Variants in ZFHX3 observed in about 807,000 individuals in gnomAD.
The protein encoded by ZFHX3 is zinc finger homeobox protein 3.
In ZFHX3, 42 loss-of-function variants were observed where a neutral mutation model predicts 279.1. The ratio of observed to expected loss-of-function variants is 0.15; its 90% CI spans 0.12 to 0.19. The LOEUF (loss-of-function observed/expected upper bound fraction) is 0.19. ZFHX3 is among the 10% of genes least tolerant of loss of function. The pLI is 1.00. For missense variants in ZFHX3, 4,981 were observed against 4,754.0 expected, an observed-to-expected ratio of 1.05 and a Z score of -1.40; for synonymous variants, 2,293 against 1,957.8, an observed-to-expected ratio of 1.17 and a Z score of -4.52.
intron 5 of ZFHX3, among the ~76,000 whole-genome samples, chr16:73,174,863 CAAA>C (rs34447211): frequency 0.016 from 1,380 of 86,820 alleles, 26 homozygotes; most frequent in African/African-American, 0.053. Context: ...ACTAAAAATA[CAAA>C]AAAAAAAAAA....
At chr16:73,674,285 T>C (rs2052932205) in intron 2 of ZFHX3, among the ~76,000 whole-genome samples, 1 of 151,930 alleles carries the variant, frequency 6.6e-6, no homozygotes, top group South Asian at 2.1e-4. Context: ...AAAAGAAAGA[T>C]GAATGAGAAG....
intron 5 of ZFHX3, among the ~76,000 whole-genome samples, chr16:73,220,378 A>T (rs1385551564): frequency 6.6e-6 from 1 of 152,150 alleles, no homozygotes; most frequent in African/African-American, 2.4e-5. Flanking sequence ...ATAAAATAAA[A>T]TTTTGATATT....
At chr16:72,904,383 TAAATAAATA>T (rs1223861041) in intron 3 of ZFHX3, among the ~76,000 whole-genome samples, 1 of 138,860 alleles carries the variant, frequency 7.2e-6, no homozygotes, top group Non-Finnish European at 1.5e-5. Flanking sequence ...AATAAATAAA[TAAATAAATA>T]AATAAATAAA....
intron 3 of ZFHX3, among the ~76,000 whole-genome samples, chr16:72,920,780 C>T (rs1321687753): frequency 6.6e-6 from 1 of 151,302 alleles, no homozygotes; most frequent in Non-Finnish European, 1.5e-5. Flanking sequence ...GCTTTTAAAG[C>T]AAATCCAGGC....
chr16:72,992,135 C>A (rs1012066507), intron 1 of ZFHX3, among the ~76,000 whole-genome samples: 7 of 152,230 alleles, frequency 4.6e-5, no homozygotes, highest in Non-Finnish European at 5.9e-5. Flanking sequence ...CCCCAACCCA[C>A]AGGTCCTAGT....
rs77184109 is a variant in ZFHX3, at chr16:73,810,205, A to G, written c.-1608+81446T>C. Among the ~76,000 whole-genome samples the G allele has an allele frequency of 3.4e-3, 517 of 152,312 alleles. 5 individuals are homozygous for G. The highest frequency in any genetic ancestry group is 0.014 in the Middle Eastern group (4 of 294). On this transcript the variant is annotated intron_variant, in intron 1 of 17. Transcript: ENST00000641206. The stretch of plus-strand genomic sequence containing the variant: ...AACCCTGAAAAGAAAGTTAAATCCT[A>G]TAACTCAAGCCTAGCCCTGCAAAAC...
intron 3 of ZFHX3, among the ~76,000 whole-genome samples, chr16:73,336,331 C>T (rs1037267763): frequency 6.6e-6 from 1 of 151,332 alleles, no homozygotes; most frequent in African/African-American, 2.4e-5. Context: ...CAGGGTAATC[C>T]ATCACCCGGA....
chr16:73,699,741 C>T (rs944317996), intron 1 of ZFHX3, among the ~76,000 whole-genome samples: 4 of 152,100 alleles, frequency 2.6e-5, no homozygotes, highest in Admixed American at 6.6e-5. Flanking sequence ...ACTGATAGTT[C>T]CCCAGGTGGT....
chr16:73,882,435 A>T (rs943301543), intron 1 of ZFHX3, among the ~76,000 whole-genome samples: 23 of 152,232 alleles, frequency 1.5e-4, no homozygotes, highest in African/African-American at 3.1e-4. Flanking sequence ...GTGAACTTAT[A>T]TTTAAGAAGA....
At chr16:72,947,109 A>G (rs940919279) in intron 3 of ZFHX3, among the ~76,000 whole-genome samples, 6 of 152,200 alleles carry the variant, frequency 3.9e-5, no homozygotes, top group Non-Finnish European at 8.8e-5. Context: ...GTTTCAACCC[A>G]AAAGATCCCA....
chr16:73,331,524 TG>T (rs1255411440), intron 3 of ZFHX3, among the ~76,000 whole-genome samples: 2 of 152,186 alleles, frequency 1.3e-5, no homozygotes, highest in African/African-American at 4.8e-5. Flanking sequence ...AACAAAACCA[TG>T]CTATCTGGTC....
At chr16:73,558,701 A>G (rs1184121580) in intron 2 of ZFHX3, among the ~76,000 whole-genome samples, 1 of 150,682 alleles carries the variant, frequency 6.6e-6, no homozygotes, top group Non-Finnish European at 1.5e-5. Context: ...ACACAGAAGA[A>G]AATGACTCTT....
chr16:73,004,404 C>G (rs1963629792), intron 1 of ZFHX3, among the ~76,000 whole-genome samples: 1 of 144,536 alleles, frequency 6.9e-6, no homozygotes, highest in Non-Finnish European at 1.5e-5. Flanking sequence ...TCTCGGCTCA[C>G]TGCAACCTCT....
intron 3 of ZFHX3, among the ~76,000 whole-genome samples, chr16:73,346,134 A>AC (rs1395691753): frequency 1.3e-5 from 2 of 151,614 alleles, no homozygotes; most frequent in Non-Finnish European, 2.9e-5. Context: ...GTGTTGAGAG[A>AC]CCCCCAGTCA....
chr16:73,422,310 A>T (rs140224403), intron 3 of ZFHX3, among the ~76,000 whole-genome samples: 1,538 of 151,900 alleles, frequency 0.01, 76 homozygotes, highest in Admixed American at 0.088. Context: ...TATCCTAAAC[A>T]TCCTGACAAC....
At chr16:73,834,353 T>C (rs1961082048) in intron 1 of ZFHX3, among the ~76,000 whole-genome samples, 1 of 152,200 alleles carries the variant, frequency 6.6e-6, no homozygotes, top group Non-Finnish European at 1.5e-5. Flanking sequence ...AGTTGTAGGA[T>C]GTAGAGTAAA....
chr16:73,073,497 TTTTG>T (rs888110647), intron 8 of ZFHX3, among the ~76,000 whole-genome samples: 5 of 152,226 alleles, frequency 3.3e-5, no homozygotes, highest in African/African-American at 9.6e-5. Context: ...ACTTGCTGGA[TTTTG>T]TTTGTTTTGT....
At chr16:72,872,320 A>G (rs2038182708) in intron 4 of ZFHX3, among the ~76,000 whole-genome samples, 1 of 152,188 alleles carries the variant, frequency 6.6e-6, no homozygotes, top group Non-Finnish European at 1.5e-5. Context: ...GTTCCCCTCC[A>G]ATACAAATAG....
At chr16:73,499,099 A>G (rs993724244) in intron 2 of ZFHX3, among the ~76,000 whole-genome samples, 5 of 152,190 alleles carry the variant, frequency 3.3e-5, no homozygotes, top group Non-Finnish European at 5.9e-5. Context: ...CCCAGGTAGC[A>G]AGGATATGGA....
Sources: gnomAD v4.1 joint callset for allele counts (sites outside exome capture counted in the v4.1 genomes callset) on GRCh38, gnomAD v4.1.1 for gene constraint, MANE v1.5 for transcripts, NCBI Gene and HGNC (gene_info 2026-07-23, HGNC 2026-07-21) for gene names.